Variants in CCDC134 observed in about 807,000 individuals in gnomAD.
CCDC134 encodes the protein coiled-coil domain containing 134.
In CCDC134, 27 loss-of-function variants were observed where a neutral mutation model predicts 25.6. That is an observed-to-expected ratio of 1.05 (90% CI 0.78 to 1.45). The LOEUF (loss-of-function observed/expected upper bound fraction) is 1.45. Ranked by LOEUF, CCDC134 falls within the 40% of genes most tolerant of loss-of-function variation. The probability of loss-of-function intolerance (pLI) is 0.00; values close to 1 mark genes in which losing one functional copy is unlikely to be tolerated. For missense variants in CCDC134, 261 were observed against 286.7 expected (o/e 0.91, Z 0.65); for synonymous variants, 110 against 115.0 (o/e 0.96, Z 0.28).
At chr22:41,813,548 A>G (rs2076608022) in intron 5 of CCDC134, 103 bp downstream of exon 5, 2 of 1,391,694 alleles carry the variant, frequency 1.4e-6, no homozygotes, top group African/African-American at 1.4e-5. Flanking sequence ...GCTTGGTTAC[A>G]TTTTCTTTGT....
At chr22:41,822,896 C>T (rs1446205419) in intron 6 of CCDC134, among the ~76,000 whole-genome samples, 1 of 152,218 alleles carries the variant, frequency 6.6e-6, no homozygotes, top group Non-Finnish European at 1.5e-5. Flanking sequence ...TGTGAATCCC[C>T]CCATCTTCCA....
At chr22:41,816,872 C>T (rs1189452779) in intron 6 of CCDC134, among the ~76,000 whole-genome samples, 1 of 152,048 alleles carries the variant, frequency 6.6e-6, no homozygotes, top group East Asian at 1.9e-4. Context: ...GAGCCAAGAT[C>T]GCACCACTGC....
At position 41,831,509 on chromosome 22, in the gene CCDC134, A is replaced by T. The variant is rs1419480654; in HGVS notation, c.*5686A>T. Reference sequence around the variant, plus strand: ...GCCAGATCCTTATTTTTTCAATTGCAATACAGCAGTATGCAAGGCACTTAC... The same window carrying T: ...GCCAGATCCTTATTTTTTCAATTGCTATACAGCAGTATGCAAGGCACTTAC... On this transcript the variant is annotated 3_prime_UTR_variant, in exon 7 of 7. Coordinates refer to ENST00000255784, the MANE Select transcript of CCDC134 (RefSeq NM_024821.5). 6.6e-6 allele frequency: 1 copy of T among 152,194 alleles called. No homozygotes were observed. The highest frequency in any genetic ancestry group is 1.5e-5 in the Non-Finnish European group (1 of 68,040). The allele number at this position is 152,194 out of a possible 1,614,324, so 9.4% of individuals were successfully genotyped here.
rs1010725045 is a variant in CCDC134 at position 41,829,339 on chromosome 22, A to G, written c.*3516A>G. Among the ~76,000 whole-genome samples, 1 of 151,846 alleles carries G rather than the reference A, an allele frequency of 6.6e-6. No homozygotes were observed. The highest frequency in any genetic ancestry group is 2.4e-5 in the African/African-American group (1 of 41,320). ...CTCTCTTCCGGATTCTTCTTTCCTC[A>G]CCTGCCCCCGTTTGCATGAAGTTTT... is the stretch of plus-strand genomic sequence containing the variant. On this transcript the variant is annotated 3_prime_UTR_variant, in exon 7 of 7. Transcript: ENST00000255784.
In CCDC134 at chr22:41,804,001, C is replaced by T. The variant is rs539146831; in HGVS notation, c.-17+3235C>T. On this transcript the variant is annotated intron_variant, in intron 1 of 6. Transcript: ENST00000255784. ...AAAAAAAATTACCCGGGCGTGGTGG[C>T]GGGCACCTGTAGTCCTAGTTACTCG... 4.0e-5 allele frequency among the ~76,000 whole-genome samples: 6 copies of T among 150,240 alleles called. No homozygotes were observed. The East Asian group carries it at 6.0e-4, about 15-fold the overall frequency.
chr22:41,802,612 A>G (rs1418407979), intron 1 of CCDC134, among the ~76,000 whole-genome samples: 5 of 152,170 alleles, frequency 3.3e-5, no homozygotes, highest in Admixed American at 3.3e-4. Context: ...CTACTAAAAT[A>G]CAAAAATATA....
At chr22:41,803,883 G>C (rs1177843173) in intron 1 of CCDC134, among the ~76,000 whole-genome samples, 1 of 152,220 alleles carries the variant, frequency 6.6e-6, no homozygotes, top group Non-Finnish European at 1.5e-5. Context: ...TGTAATCCCA[G>C]CACTTTGGGA....
At chr22:41,802,362 T>C (rs1329418961) in intron 1 of CCDC134, among the ~76,000 whole-genome samples, 1 of 152,166 alleles carries the variant, frequency 6.6e-6, no homozygotes, top group Non-Finnish European at 1.5e-5. Flanking sequence ...TGTTGGTCTC[T>C]TGCCATGTTG....
intron 6 of CCDC134, among the ~76,000 whole-genome samples, chr22:41,814,115 A>G (rs73163358): frequency 0.11 from 17,271 of 152,260 alleles, 1,227 homozygotes; most frequent in South Asian, 0.19. Context: ...TCAGGTGGAT[A>G]TCAGGGTAGC....
intron 6 of CCDC134, among the ~76,000 whole-genome samples, chr22:41,824,797 G>C (rs2076668545): frequency 1.3e-5 from 2 of 152,080 alleles, no homozygotes; most frequent in African/African-American, 4.8e-5. Context: ...CAACTGCAGT[G>C]AGGAGAATGA....
In CCDC134 at chr22:41,813,818, C is replaced by G. The variant is rs201507268; in HGVS notation, c.560C>G (p.Thr187Arg). The change falls in exon 6 of 7, where the codon ACA (threonine) becomes AGA (arginine). Residue 187 changes from threonine to arginine, a missense_variant. Thr to Arg is a moderately conservative substitution (Grantham distance 71, BLOSUM62 -1). Coordinates refer to ENST00000255784, the MANE Select transcript of CCDC134 (RefSeq NM_024821.5). ...CAGAACCCATTTAAAATCGACCGCA[C>G]AGAGGTGAGCTGCCAGGGCCTATGC... The part of the protein sequence containing the change: ...NFQNPFKIDR[T>R]EFIPSTDPFQ... 2 of 1,613,962 alleles carry G rather than the reference C, an allele frequency of 1.2e-6. No homozygotes were observed. Among genetic ancestry groups the G allele is most frequent in the Admixed American group, 3.3e-5 (2 of 60,014 alleles).
At chr22:41,808,701 T>C (rs1475633283) in intron 1 of CCDC134, among the ~76,000 whole-genome samples, 174 bp from the exon 2 acceptor site, 1 of 152,220 alleles carries the variant, frequency 6.6e-6, no homozygotes, top group Non-Finnish European at 1.5e-5. Context: ...CGGCTCTGTA[T>C]TGTGTGCCTG....
intron 6 of CCDC134, among the ~76,000 whole-genome samples, chr22:41,822,574 G>A (rs2076657264): frequency 6.6e-6 from 1 of 152,190 alleles, no homozygotes; most frequent in Non-Finnish European, 1.5e-5. Flanking sequence ...GGCCTAGGTG[G>A]GGAAGGGAAC....
intron 1 of CCDC134, among the ~76,000 whole-genome samples, chr22:41,803,959 G>A (rs969546982): frequency 5.3e-5 from 8 of 151,470 alleles, no homozygotes; most frequent in African/African-American, 1.9e-4. Context: ...GTGAAACCCC[G>A]TCTCTACAAA....
At chr22:41,820,222 T>A (rs1246758706) in intron 6 of CCDC134, among the ~76,000 whole-genome samples, 1 of 151,628 alleles carries the variant, frequency 6.6e-6, no homozygotes, top group Non-Finnish European at 1.5e-5. Context: ...CGTCTCGATC[T>A]TCTGACCTCG....
In CCDC134 at chr22:41,815,439, G is replaced by A. The variant is rs182050246; in HGVS notation, c.564+1617G>A. Among the ~76,000 whole-genome samples, 1,104 of 151,662 alleles carry A rather than the reference G, an allele frequency of 7.3e-3. 19 individuals carry two copies. Among genetic ancestry groups the A allele is most frequent in the African/African-American group, 0.025 (1,050 of 41,350 alleles). On this transcript the variant is annotated intron_variant, in intron 6 of 6. Transcript: ENST00000255784. ...CCAGGATGGTCTTGATCTCCTGACC[G>A]CGTGATCCACCCGCCTCGGCCTCCC...
At chr22:41,810,112 C>A (rs2076587354) in intron 3 of CCDC134, 95 bp from the exon 4 acceptor site, 3 of 1,589,610 alleles carry the variant, frequency 1.9e-6, no homozygotes, top group East Asian at 4.5e-5. Flanking sequence ...GAACTGCGCA[C>A]ACGTAAGACT....
intron 1 of CCDC134, among the ~76,000 whole-genome samples, chr22:41,807,116 G>A (rs555366424): frequency 1.3e-5 from 2 of 152,274 alleles, no homozygotes; most frequent in Non-Finnish European, 2.9e-5. Context: ...TTAAAAGCAT[G>A]AGAAATTTCC....
In CCDC134 at chr22:41,810,158, T is replaced by G. The variant is rs1309163426; in HGVS notation, c.226-49T>G. The G allele has an allele frequency of 2.5e-6, 4 of 1,602,298 alleles. No homozygotes were observed. The South Asian group carries it at 4.4e-5, about 18-fold the overall frequency. On this transcript the variant is annotated intron_variant, in intron 3 of 6. Coordinates refer to ENST00000255784, the MANE Select transcript of CCDC134 (RefSeq NM_024821.5). The stretch of plus-strand genomic sequence containing the variant: ...TTTAAATAAATGGGGATGGGAGCAG[T>G]CTGTGATGGGCACTGCGAAGCCACT...
Sources: allele counts gnomAD v4.1 joint callset (sites outside exome capture counted in the v4.1 genomes callset), GRCh38; gene constraint gnomAD v4.1.1; transcripts MANE v1.5; gene names NCBI Gene and HGNC (gene_info 2026-07-23, HGNC 2026-07-21).